ADGRL2: variants seen among roughly 807,000 people sequenced by gnomAD.
The protein encoded by ADGRL2 is adhesion G protein-coupled receptor L2.
Under a neutral mutation model 157.4 loss-of-function variants are expected in ADGRL2, and 44 were observed. That is an observed-to-expected ratio of 0.28 (90% CI 0.22 to 0.36). The LOEUF is 0.36. Ranked by LOEUF, ADGRL2 falls within the 10% of genes least tolerant of loss-of-function variation. The pLI is 1.00. For missense variants in ADGRL2, 1,510 were observed against 1,768.9 expected (o/e 0.85, Z 2.63); for synonymous variants, 585 against 624.7 (o/e 0.94, Z 0.95).
intron 1 of ADGRL2, among the ~76,000 whole-genome samples, chr1:81,359,310 C>T (rs761557562): frequency 7.6e-4 from 115 of 152,050 alleles, no homozygotes; most frequent in Non-Finnish European, 1.3e-3. Flanking sequence ...GCTACAGGGT[C>T]AACTGGAGAC....
Position 81,774,431 on chromosome 1 carries a change from G to A in ADGRL2, c.-101+12579G>A, listed in dbSNP as rs543704310. ...GCACTGTCTACTTAATCCAGATGGA[G>A]TCCATGGTTCCCAAACTTGACTGTG... On this transcript the variant is annotated intron_variant, in intron 2 of 20. Coordinates refer to the ADGRL2 transcript ENST00000359929. 2.0e-5 allele frequency among the ~76,000 whole-genome samples: 3 copies of A among 152,310 alleles called. No homozygotes were observed. In the East Asian group the frequency reaches 5.8e-4, roughly 29 times the overall value.
intron 3 of ADGRL2, among the ~76,000 whole-genome samples, chr1:81,623,612 T>C (rs1374044498): frequency 6.7e-6 from 1 of 150,174 alleles, no homozygotes; most frequent in African/African-American, 2.4e-5. Flanking sequence ...GTATGGGCCC[T>C]AAATCCAATG....
chr1:81,545,551 G>A (rs10449701), intron 2 of ADGRL2, among the ~76,000 whole-genome samples: 113,957 of 151,996 alleles, frequency 0.75, 43,210 homozygotes, highest in East Asian at 0.89. Flanking sequence ...AAGTGCTGGG[G>A]TTACAGGCTT....
chr1:81,659,876 T>C (rs1253922929), intron 3 of ADGRL2, among the ~76,000 whole-genome samples: 1 of 152,220 alleles, frequency 6.6e-6, no homozygotes, highest in African/African-American at 2.4e-5. Flanking sequence ...TCAATGTTTA[T>C]TGAAAAAACA....
chr1:81,809,426 G>A (rs1436303644), intron 1 of ADGRL2, among the ~76,000 whole-genome samples: 1 of 151,956 alleles, frequency 6.6e-6, no homozygotes, highest in Non-Finnish European at 1.5e-5. Flanking sequence ...GATAAAAAAA[G>A]AGATGGAGAT....
At chr1:81,462,062 A>G (rs2077945221) in intron 2 of ADGRL2, among the ~76,000 whole-genome samples, 1 of 152,044 alleles carries the variant, frequency 6.6e-6, no homozygotes, top group Non-Finnish European at 1.5e-5. Flanking sequence ...GAGGATTGTA[A>G]ATACAACAAT....
chr1:81,484,072 GTACA>G (rs1177142879), intron 2 of ADGRL2, among the ~76,000 whole-genome samples: 1 of 152,046 alleles, frequency 6.6e-6, no homozygotes, highest in East Asian at 1.9e-4. Context: ...ATCACCAGAT[GTACA>G]TATACCTTCT....
At chr1:81,882,109 A>G (rs1002650793) in intron 2 of ADGRL2, among the ~76,000 whole-genome samples, 4 of 152,242 alleles carry the variant, frequency 2.6e-5, no homozygotes, top group African/African-American at 9.6e-5. Flanking sequence ...AAAAACGTGG[A>G]CATAGAGAAA....
intron 1 of ADGRL2, among the ~76,000 whole-genome samples, chr1:81,814,671 C>A (rs934519751): frequency 1.3e-5 from 2 of 151,204 alleles, no homozygotes; most frequent in African/African-American, 4.8e-5. Flanking sequence ...ATATTAGTGT[C>A]ATTTTGCCTG....
At chr1:81,885,128 C>T (rs1021357162) in intron 2 of ADGRL2, among the ~76,000 whole-genome samples, 3 of 151,934 alleles carry the variant, frequency 2.0e-5, no homozygotes, top group African/African-American at 7.3e-5. Context: ...ACGACCAATA[C>T]GAATAAATAG....
intron 2 of ADGRL2, among the ~76,000 whole-genome samples, chr1:81,896,034 G>A (rs561788109): frequency 1.3e-5 from 2 of 152,146 alleles, no homozygotes; most frequent in Non-Finnish European, 2.9e-5. Flanking sequence ...GGATGGAGGT[G>A]GGAGTGAATT....
At chr1:81,466,690 CACAT>C (rs995135463) in intron 2 of ADGRL2, among the ~76,000 whole-genome samples, 7 of 151,404 alleles carry the variant, frequency 4.6e-5, no homozygotes, top group Non-Finnish European at 8.8e-5. Context: ...CACACACACA[CACAT>C]ACACACTATG....
intron 1 of ADGRL2, among the ~76,000 whole-genome samples, chr1:81,377,190 C>G (rs894878996): frequency 2.7e-5 from 4 of 149,856 alleles, no homozygotes; most frequent in African/African-American, 9.8e-5. Flanking sequence ...TAAAATAAAA[C>G]AAACAACCAA....
intron 2 of ADGRL2, among the ~76,000 whole-genome samples, chr1:81,528,356 A>G (rs2079515713): frequency 2.0e-5 from 3 of 152,036 alleles, no homozygotes; most frequent in Admixed American, 2.0e-4. Flanking sequence ...TTAGAATAGA[A>G]ACTGACCCGG....
intron 1 of ADGRL2, among the ~76,000 whole-genome samples, chr1:81,717,554 T>C (rs997593627): frequency 1.3e-5 from 2 of 152,230 alleles, no homozygotes; most frequent in African/African-American, 2.4e-5. Flanking sequence ...CATACATCCC[T>C]GAAAACTTCA....
intron 1 of ADGRL2, among the ~76,000 whole-genome samples, chr1:81,434,440 C>T (rs1377869919): frequency 6.6e-6 from 1 of 151,828 alleles, no homozygotes; most frequent in African/African-American, 2.4e-5. Context: ...TCTCTCCTAC[C>T]CAAATGTAAA....
intron 2 of ADGRL2, among the ~76,000 whole-genome samples, chr1:81,463,423 A>G (rs1411721828): frequency 6.6e-6 from 1 of 152,120 alleles, no homozygotes; most frequent in Non-Finnish European, 1.5e-5. Context: ...CCTTGCTAAA[A>G]TTATTTTCTT....
chr1:81,441,945 C>T (rs916093639), intron 1 of ADGRL2, among the ~76,000 whole-genome samples: 4 of 152,292 alleles, frequency 2.6e-5, no homozygotes, highest in African/African-American at 9.6e-5. Context: ...AAGTGATCTT[C>T]TCACCTCAGC....
At chr1:81,629,667 ATG>A (rs60497907) in intron 3 of ADGRL2, among the ~76,000 whole-genome samples, 5,124 of 149,186 alleles carry the variant, frequency 0.034, 193 homozygotes, top group African/African-American at 0.098. Context: ...ATGAATGTAT[ATG>A]TGTGTGTGTG....
Sources: allele counts gnomAD v4.1 joint callset (sites outside exome capture counted in the v4.1 genomes callset), GRCh38; gene constraint gnomAD v4.1.1; transcripts MANE v1.5; gene names NCBI Gene and HGNC (gene_info 2026-07-23, HGNC 2026-07-21).